Variants in FUT8 observed in about 807,000 individuals in gnomAD.
FUT8 encodes the protein alpha-(1,6)-fucosyltransferase.
FUT8 carries 29 observed loss-of-function variants against 71.3 expected under a neutral mutation model. That is an observed-to-expected ratio of 0.41 (90% CI 0.30 to 0.55). The LOEUF (loss-of-function observed/expected upper bound fraction) is 0.55. Ranked by LOEUF, FUT8 falls within the 20% of genes least tolerant of loss-of-function variation. The pLI, the probability that FUT8 is intolerant of heterozygous loss-of-function variation, is 0.34. For synonymous variants in FUT8, 254 were observed against 239.3 expected (o/e 1.06, Z -0.57); for missense variants, 544 against 702.1 (o/e 0.77, Z 2.55).
In FUT8 at chr14:65,703,914, A is replaced by G. The variant is rs565191155; in HGVS notation, c.836-17861A>G. Among the ~76,000 whole-genome samples, 14 of 152,346 alleles carry G rather than the reference A, an allele frequency of 9.2e-5. No homozygotes were observed. The South Asian group carries it at 2.9e-3, about 32-fold the overall frequency. On this transcript the variant is annotated intron_variant, in intron 7 of 10. Coordinates refer to ENST00000673929, the MANE Select transcript of FUT8 (RefSeq NM_001371533.1). Reference sequence around the variant, plus strand: ...GTTACACTAACTGCCCTCTTTCCTCATATTCCATAGAAATCTTAAGTGTTT... The same window carrying G: ...GTTACACTAACTGCCCTCTTTCCTCGTATTCCATAGAAATCTTAAGTGTTT...
At chr14:65,363,700 G>C in the FUT8 span, among the ~76,000 whole-genome samples, 2 of 152,106 alleles carry the variant, frequency 1.3e-5, no homozygotes, top group Non-Finnish European at 2.9e-5. Context: ...AGGCCTTGCT[G>C]TTTTCCTCAG....
intron 9 of FUT8, among the ~76,000 whole-genome samples, chr14:65,727,869 G>C (rs1261553736): frequency 1.3e-5 from 2 of 152,116 alleles, no homozygotes; most frequent in African/African-American, 4.8e-5. Context: ...TGAAATCTTT[G>C]CTGCTTAGAA....
intron 2 of FUT8, among the ~76,000 whole-genome samples, chr14:65,530,813 TTCTCTC>T (rs137867790): frequency 7.0e-6 from 1 of 142,470 alleles, no homozygotes; most frequent in African/African-American, 2.6e-5. Flanking sequence ...CTCTCGCTCT[TTCTCTC>T]TCTCTCTCTC....
chr14:65,538,205 T>G (rs1480185789), intron 2 of FUT8, among the ~76,000 whole-genome samples: 5 of 152,158 alleles, frequency 3.3e-5, no homozygotes, highest in African/African-American at 1.2e-4. Context: ...CGAAGCAGCT[T>G]TCCCTGCCAA....
intron 3 of FUT8, among the ~76,000 whole-genome samples, chr14:65,565,737 C>T (rs1195244747): frequency 6.6e-6 from 1 of 151,598 alleles, no homozygotes; most frequent in Non-Finnish European, 1.5e-5. Flanking sequence ...ATTGAGGTTT[C>T]AATTTATATT....
chr14:65,530,811 C>T (rs1883901523), intron 2 of FUT8, among the ~76,000 whole-genome samples: 2 of 150,496 alleles, frequency 1.3e-5, no homozygotes, highest in African/African-American at 2.4e-5. Flanking sequence ...CTCTCTCGCT[C>T]TTTCTCTCTC....
At chr14:65,370,471 G>A in the FUT8 span, among the ~76,000 whole-genome samples, 1 of 151,582 alleles carries the variant, frequency 6.6e-6, no homozygotes, top group South Asian at 2.1e-4. Flanking sequence ...GCCTCCCAAA[G>A]TGCTAGGATT....
intron 9 of FUT8, among the ~76,000 whole-genome samples, chr14:65,727,476 T>C (rs1895746112): frequency 6.6e-6 from 1 of 152,118 alleles, no homozygotes; most frequent in Non-Finnish European, 1.5e-5. Flanking sequence ...TCTGAAGCAA[T>C]AGTCTGAGCT....
At chr14:65,728,446 C>T (rs569465668) in intron 9 of FUT8, among the ~76,000 whole-genome samples, 2 of 152,282 alleles carry the variant, frequency 1.3e-5, no homozygotes, top group East Asian at 1.9e-4. Flanking sequence ...TTAAAACCAT[C>T]GAATCTCATG....
chr14:65,389,718 G>C, the FUT8 span, among the ~76,000 whole-genome samples: 20,366 of 151,740 alleles, frequency 0.13, 2,024 homozygotes, highest in East Asian at 0.54. Context: ...GCCTTCCAAA[G>C]TGCCGGGATT....
the FUT8 span, among the ~76,000 whole-genome samples, chr14:65,388,649 C>T: frequency 1.3e-5 from 2 of 152,112 alleles, no homozygotes; most frequent in Non-Finnish European, 2.9e-5. Flanking sequence ...GTAATCCCAG[C>T]TACTCAGGAG....
rs372110541 is a variant in FUT8 at position 65,424,297 on chromosome 14, A to G, written c.-326+11083A>G. ...AAATTATTTCAATAGTACAGGGTGT[A>G]GTACAGTTAAATTTATGTAGTTATG... On this transcript the variant is annotated intron_variant, in intron 1 of 10. Transcript: ENST00000673929. Among the ~76,000 whole-genome samples, 67 of 152,266 alleles carry G rather than the reference A, an allele frequency of 4.4e-4. No homozygotes were observed. In the South Asian group the frequency reaches 0.013, roughly 30 times the overall value.
rs10149311 is a variant in FUT8, at chr14:65,550,082, A to G, written c.-227-11255A>G. ...TCTAAAAACAAAACAAAACAAAACA[A>G]AAAAGTTTACTTGGTTCCCAGCTTT... On this transcript the variant is annotated intron_variant, in intron 2 of 10. Transcript: ENST00000673929. This position sits in a 1 kb window ranked among gnomAD's most constrained non-coding sequence, Gnocchi z 4.5. Among the ~76,000 whole-genome samples the G allele has an allele frequency of 0.085, 12,844 of 151,926 alleles. 641 individuals carry two copies. The highest frequency in any genetic ancestry group is 0.13 in the Admixed American group (1,982 of 15,276).
rs879842501 is a variant in FUT8, at chr14:65,613,843, T to C, written c.204-2135T>C. Among the ~76,000 whole-genome samples the C allele has an allele frequency of 6.6e-5, 10 of 152,266 alleles. No homozygotes were observed. In the East Asian group the frequency reaches 1.2e-3, roughly 18 times the overall value. ...AAAAGGCTATGTTGGCTGGGCGCCG[T>C]GGCTCATACCTGTAATTCAGCACTT... On this transcript the variant is annotated intron_variant, in intron 3 of 10. Coordinates refer to ENST00000673929, the MANE Select transcript of FUT8 (RefSeq NM_001371533.1).
chr14:65,594,305 A>G (rs1887846060), intron 3 of FUT8, among the ~76,000 whole-genome samples: 1 of 152,176 alleles, frequency 6.6e-6, no homozygotes, highest in African/African-American at 2.4e-5. Context: ...CACCCCTCGC[A>G]GGAGGGAGCA....
intron 7 of FUT8, among the ~76,000 whole-genome samples, chr14:65,685,932 G>A (rs528457477): frequency 2.0e-5 from 3 of 152,294 alleles, no homozygotes; most frequent in Admixed American, 2.0e-4. Context: ...TGTTTTATCA[G>A]CAAGACCTGT....
intron 7 of FUT8, among the ~76,000 whole-genome samples, chr14:65,684,518 A>G (rs141071047): frequency 7.0e-4 from 106 of 152,354 alleles, no homozygotes; most frequent in Non-Finnish European, 1.3e-3. Flanking sequence ...TCCAAAAGCT[A>G]TATTTTGAAG....
intron 3 of FUT8, among the ~76,000 whole-genome samples, chr14:65,572,754 A>C (rs1259342714): frequency 6.6e-6 from 1 of 152,180 alleles, no homozygotes; most frequent in African/African-American, 2.4e-5. Flanking sequence ...AGGACATAAC[A>C]GTCCTTAACA....
chr14:65,726,987 CAAAATGA>C (rs1044372424), intron 9 of FUT8, among the ~76,000 whole-genome samples: 1 of 152,200 alleles, frequency 6.6e-6, no homozygotes, highest in Non-Finnish European at 1.5e-5. Context: ...GTTAAAGCTT[CAAAATGA>C]TCTCCTTTGA....
Sources: gnomAD v4.1 joint callset for allele counts (sites outside exome capture counted in the v4.1 genomes callset) on GRCh38, gnomAD v4.1.1 for gene constraint, Gnocchi (gnomAD v3.1) non-coding constraint, MANE v1.5 for transcripts, NCBI Gene and HGNC (gene_info 2026-07-23, HGNC 2026-07-21) for gene names.